The following ETV6 variants were observed in gnomAD, a reference collection of about 807,000 sequenced individuals.
ETV6 encodes the protein transcription factor ETV6.
A neutral mutation model predicts 51.1 loss-of-function variants in ETV6; 16 were observed. The ratio of observed to expected loss-of-function variants is 0.31; its 90% CI spans 0.21 to 0.48. The LOEUF is 0.48. ETV6 is among the 20% of genes least tolerant of loss of function. The probability of loss-of-function intolerance (pLI) is 0.99; values close to 1 mark genes in which losing one functional copy is unlikely to be tolerated. For synonymous variants in ETV6, 240 were observed against 224.1 expected (o/e 1.07, Z -0.64); for missense variants, 458 against 594.8 (o/e 0.77, Z 2.39).
At chr12:11,746,743 A>G (rs1865915715) in intron 1 of ETV6, among the ~76,000 whole-genome samples, 1 of 149,398 alleles carries the variant, frequency 6.7e-6, no homozygotes, top group Admixed American at 6.7e-5. Context: ...ATGACCTTTT[A>G]CAGAGATGTT....
intron 1 of ETV6, among the ~76,000 whole-genome samples, chr12:11,708,276 A>G (rs1039192101): frequency 5.9e-5 from 9 of 152,002 alleles, no homozygotes; most frequent in African/African-American, 2.2e-4. Context: ...AAAAAAAAGA[A>G]CAAGAATGTA....
intron 3 of ETV6, 132 bp from the exon 4 acceptor site, chr12:11,853,295 G>A: frequency 2.1e-6 from 2 of 932,288 alleles, no homozygotes; most frequent in East Asian, 2.4e-5. Context: ...TGAGCTTGGT[G>A]AGGGTAGGAG....
At chr12:11,670,274 A>G (rs1352463939) in intron 1 of ETV6, among the ~76,000 whole-genome samples, 1 of 152,216 alleles carries the variant, frequency 6.6e-6, no homozygotes, top group East Asian at 1.9e-4. Flanking sequence ...ATTTCTAATA[A>G]CTAAGAAGTA....
intron 2 of ETV6, among the ~76,000 whole-genome samples, chr12:11,806,327 A>G (rs1438609358): frequency 6.6e-6 from 1 of 152,218 alleles, no homozygotes; most frequent in Non-Finnish European, 1.5e-5. Flanking sequence ...GTAAGAAACA[A>G]TTGAGAGGCA....
intron 2 of ETV6, among the ~76,000 whole-genome samples, chr12:11,766,473 C>T (rs3825083): frequency 0.12 from 17,719 of 152,174 alleles, 1,446 homozygotes; most frequent in East Asian, 0.32. Context: ...TTCTGTATGC[C>T]GGATTATATC....
At chr12:11,715,681 G>GT (rs1289505354) in intron 1 of ETV6, among the ~76,000 whole-genome samples, 2 of 152,166 alleles carry the variant, frequency 1.3e-5, no homozygotes, top group East Asian at 3.8e-4. Flanking sequence ...TGTTTTCCTT[G>GT]TTTTTGGATG....
At chr12:11,881,556 T>G (rs1417961713) in intron 5 of ETV6, among the ~76,000 whole-genome samples, 1 of 152,194 alleles carries the variant, frequency 6.6e-6, no homozygotes, top group Non-Finnish European at 1.5e-5. Context: ...TTGCTGTGTC[T>G]TCACTTGGTG....
intron 1 of ETV6, among the ~76,000 whole-genome samples, chr12:11,712,311 T>C (rs572634316): frequency 1.6e-4 from 25 of 152,346 alleles, no homozygotes; most frequent in Non-Finnish European, 3.2e-4. Context: ...GTCAGATTTT[T>C]AGTATTTTAA....
intron 2 of ETV6, among the ~76,000 whole-genome samples, chr12:11,827,209 A>G (rs1472408238): frequency 6.6e-6 from 1 of 151,898 alleles, no homozygotes; most frequent in Non-Finnish European, 1.5e-5. Context: ...TGTTAAAATG[A>G]TTTCATCCTG....
At chr12:11,719,509 C>T (rs1865342558) in intron 1 of ETV6, among the ~76,000 whole-genome samples, 2 of 152,220 alleles carry the variant, frequency 1.3e-5, no homozygotes, top group African/African-American at 4.8e-5. Flanking sequence ...GCCTGTCTTT[C>T]ACTCACCAGG....
chr12:11,666,191 C>T lies in ETV6; in HGVS notation c.33+16031C>T, dbSNP rs188342272. On this transcript the variant is annotated intron_variant, in intron 1 of 7. Transcript: ENST00000396373. ...GGAGAGAGAACCCGGAAGAGCAGCA[C>T]GGCTTGCTGAAACTTCTCTGAGGTC... Among the ~76,000 whole-genome samples the T allele has an allele frequency of 4.1e-3, 631 of 152,278 alleles. 22 individuals are homozygous for T. Among genetic ancestry groups the T allele is most frequent in the Admixed American group, 0.038 (574 of 15,302 alleles).
rs201130440 is a variant in ETV6, at chr12:11,853,502, A to T, written c.404A>T (p.His135Leu). The part of the protein sequence containing the change: ...KPRILFSPFF[H>L]PGNSIHTQPE... ...CGGATTCTTTTTTCACCATTCTTCCACCCTGGAAACTCTATACACACACAG... is the reference window on the plus strand; with the variant it reads ...CGGATTCTTTTTTCACCATTCTTCCTCCCTGGAAACTCTATACACACACAG... Residue 135 changes from histidine to leucine, a missense_variant, in exon 4 of 8, where the codon CAC (histidine) becomes CTC (leucine). His to Leu is a moderately conservative substitution (Grantham distance 99). Around this residue, in one of 4 missense-constraint regions of ETV6, gnomAD observed 293 missense variants for 315.7 expected, o/e 0.93. Coordinates refer to ENST00000396373, the MANE Select transcript of ETV6 (RefSeq NM_001987.5). 6.2e-7 allele frequency: 1 copy of T among 1,613,906 alleles called. No homozygotes were observed. Among genetic ancestry groups the T allele is most frequent in the East Asian group, 2.2e-5 (1 of 44,900 alleles).
intron 1 of ETV6, among the ~76,000 whole-genome samples, chr12:11,739,899 A>T (rs1391441486): frequency 1.3e-5 from 2 of 152,204 alleles, no homozygotes; most frequent in African/African-American, 4.8e-5. Flanking sequence ...CTTTCTAGGG[A>T]AAGTTGCTGG....
At chr12:11,817,414 G>A (rs1276907293) in intron 2 of ETV6, among the ~76,000 whole-genome samples, 1 of 152,124 alleles carries the variant, frequency 6.6e-6, no homozygotes, top group Admixed American at 6.5e-5. Context: ...AGGCACAGCA[G>A]GAAGAAAAAT....
chr12:11,861,219 G>A (rs928358651), intron 4 of ETV6, among the ~76,000 whole-genome samples: 2 of 152,136 alleles, frequency 1.3e-5, no homozygotes, highest in African/African-American at 4.8e-5. Context: ...ATCAGAAACA[G>A]GTCAAGATCT....
intron 2 of ETV6, among the ~76,000 whole-genome samples, chr12:11,760,922 A>ATG (rs200668135): frequency 2.9e-4 from 35 of 119,488 alleles, no homozygotes; most frequent in East Asian, 2.4e-3. Context: ...ATAAAAGTAT[A>ATG]TGTGTGTGTG....
At chr12:11,881,478 G>A (rs1205610108) in intron 5 of ETV6, among the ~76,000 whole-genome samples, 1 of 152,220 alleles carries the variant, frequency 6.6e-6, no homozygotes, top group Non-Finnish European at 1.5e-5. Flanking sequence ...GGGGGCTGGG[G>A]AGATCAAGGC....
intron 5 of ETV6, among the ~76,000 whole-genome samples, chr12:11,873,361 G>A (rs979555871): frequency 2.6e-5 from 4 of 152,106 alleles, no homozygotes; most frequent in African/African-American, 7.2e-5. Context: ...TGGACTCCTC[G>A]ATCCTTGTAA....
At chr12:11,819,728 G>A (rs1042253605) in intron 2 of ETV6, among the ~76,000 whole-genome samples, 2 of 152,176 alleles carry the variant, frequency 1.3e-5, no homozygotes, top group Non-Finnish European at 2.9e-5. Flanking sequence ...TCTACCCCAT[G>A]GTATCTTCAG....
Sources: allele counts gnomAD v4.1 joint callset (sites outside exome capture counted in the v4.1 genomes callset), GRCh38; gene constraint gnomAD v4.1.1; regional missense constraint gnomAD v4.1.1; transcripts MANE v1.5; gene names NCBI Gene and HGNC (gene_info 2026-07-23, HGNC 2026-07-21).